The following RALYL variants were observed in gnomAD, a reference collection of about 807,000 sequenced individuals.
RALYL encodes the protein RNA-binding Raly-like protein.
In RALYL, 29 loss-of-function variants were observed where a neutral mutation model predicts 35.1. The ratio of observed to expected loss-of-function variants is 0.83; its 90% confidence interval spans 0.61 to 1.13. The LOEUF is 1.13. RALYL is among the 50% of genes most tolerant of loss of function. The pLI is 0.00. For synonymous variants in RALYL, 120 were observed against 127.6 expected (o/e 0.94, Z 0.40); for missense variants, 359 against 360.4 (o/e 1.00, Z 0.03).
intron 2 of RALYL, among the ~76,000 whole-genome samples, chr8:84,767,155 A>T (rs1017952532): frequency 1.3e-5 from 2 of 152,212 alleles, no homozygotes; most frequent in African/African-American, 2.4e-5. Flanking sequence ...ATGTAGTTAC[A>T]TGGCTGGTTA....
intron 2 of RALYL, among the ~76,000 whole-genome samples, chr8:84,600,798 C>T (rs1447190467): frequency 6.6e-6 from 1 of 152,098 alleles, no homozygotes; most frequent in Non-Finnish European, 1.5e-5. Flanking sequence ...CCAAGGCAAA[C>T]TGACAGTGTG....
chr8:84,396,725 G>A (rs1861823964), intron 1 of RALYL, among the ~76,000 whole-genome samples: 1 of 151,776 alleles, frequency 6.6e-6, no homozygotes, highest in African/African-American at 2.4e-5. Context: ...TTTATAAATT[G>A]TTAAAGTTTT....
chr8:84,549,334 C>A (rs1482194673), intron 2 of RALYL, among the ~76,000 whole-genome samples: 1 of 152,098 alleles, frequency 6.6e-6, no homozygotes, highest in African/African-American at 2.4e-5. Context: ...ACAATGCCAC[C>A]CCCTTCCAAT....
rs562519393 is a variant in RALYL, at chr8:84,873,407, C to G, written c.685+10C>G. 6.7e-6 allele frequency: 10 copies of G among 1,501,536 alleles called. No individual in the cohort carries two copies. In the East Asian group the frequency reaches 1.6e-4, roughly 24 times the overall value. The allele number at this position is 1,501,536 out of a possible 1,614,324, so 93.0% of individuals were successfully genotyped here. ...CAGAAGGCGGAGGCAGGTAAGTGATCTCTGATCACAGACAGGTCAGAATTG... is the reference window on the plus strand; with the variant it reads ...CAGAAGGCGGAGGCAGGTAAGTGATGTCTGATCACAGACAGGTCAGAATTG... On this transcript the variant is annotated intron_variant, in intron 7 of 8. Coordinates refer to ENST00000521268, the MANE Select transcript of RALYL (RefSeq NM_173848.7).
intron 1 of RALYL, among the ~76,000 whole-genome samples, chr8:84,381,310 A>G (rs1857948174): frequency 6.6e-6 from 1 of 151,800 alleles, no homozygotes; most frequent in Non-Finnish European, 1.5e-5. Flanking sequence ...ATGTGTGTAT[A>G]TCTGTATGAA....
chr8:84,881,328 G>T (rs1009020917), intron 7 of RALYL, among the ~76,000 whole-genome samples: 1 of 151,910 alleles, frequency 6.6e-6, no homozygotes, highest in Non-Finnish European at 1.5e-5. Flanking sequence ...GTTTATGCTT[G>T]TATGCAAAAA....
At chr8:84,306,878 A>G (rs901340711) in intron 1 of RALYL, among the ~76,000 whole-genome samples, 1 of 152,202 alleles carries the variant, frequency 6.6e-6, no homozygotes, top group African/African-American at 2.4e-5. Flanking sequence ...AGAAAATGGC[A>G]CAAGCATTCT....
At chr8:84,472,939 C>A (rs2052957984) in intron 1 of RALYL, among the ~76,000 whole-genome samples, 1 of 152,106 alleles carries the variant, frequency 6.6e-6, no homozygotes, top group African/African-American at 2.4e-5. Flanking sequence ...CAAAACTCTT[C>A]TTTTAGAAGT....
At chr8:84,785,117 G>C (rs1563598590) in intron 3 of RALYL, among the ~76,000 whole-genome samples, 1 of 152,082 alleles carries the variant, frequency 6.6e-6, no homozygotes, top group Non-Finnish European at 1.5e-5. Context: ...AGAGTTTGGG[G>C]GTGCTTTTTG....
At chr8:84,731,253 AT>A (rs1209768344) in intron 2 of RALYL, among the ~76,000 whole-genome samples, 2 of 152,138 alleles carry the variant, frequency 1.3e-5, no homozygotes, top group Non-Finnish European at 2.9e-5. Context: ...TACCCACAGA[AT>A]TGAATTCAGC....
intron 2 of RALYL, among the ~76,000 whole-genome samples, chr8:84,603,264 A>T (rs1816368006): frequency 6.6e-6 from 1 of 152,018 alleles, no homozygotes; most frequent in African/African-American, 2.4e-5. Flanking sequence ...CCAAAACATG[A>T]CACACTGACT....
At chr8:84,425,959 T>C (rs1210314074) in intron 1 of RALYL, among the ~76,000 whole-genome samples, 1 of 152,112 alleles carries the variant, frequency 6.6e-6, no homozygotes, top group Non-Finnish European at 1.5e-5. Context: ...GTATATATAT[T>C]ATCTAAAATA....
At chr8:84,428,601 C>A (rs1345002936) in intron 1 of RALYL, among the ~76,000 whole-genome samples, 2 of 152,156 alleles carry the variant, frequency 1.3e-5, no homozygotes, top group Non-Finnish European at 2.9e-5. Context: ...TCTCTTGCTT[C>A]TAGAAATTAA....
chr8:84,298,873 T>C (rs1038773751), intron 1 of RALYL, among the ~76,000 whole-genome samples: 1 of 152,066 alleles, frequency 6.6e-6, no homozygotes, highest in African/African-American at 2.4e-5. Context: ...ATGTTACTGG[T>C]GTATAGAAAT....
chr8:84,292,417 G>A (rs1334350374), intron 1 of RALYL, among the ~76,000 whole-genome samples: 1 of 152,082 alleles, frequency 6.6e-6, no homozygotes, highest in African/African-American at 2.4e-5. Context: ...AAAAGGGAGG[G>A]GAGAAATGCC....
At chr8:84,275,142 T>C (rs989131637) in intron 1 of RALYL, among the ~76,000 whole-genome samples, 2 of 152,172 alleles carry the variant, frequency 1.3e-5, no homozygotes, top group Admixed American at 1.3e-4. Context: ...GACTTTTTGA[T>C]AGAGAATTCT....
chr8:84,434,956 A>C (rs1225310678), intron 1 of RALYL, among the ~76,000 whole-genome samples: 1 of 152,184 alleles, frequency 6.6e-6, no homozygotes, highest in Non-Finnish European at 1.5e-5. Flanking sequence ...CAAAGTAATG[A>C]ATGCAAAGGA....
At chr8:84,280,856 G>C (rs1306415853) in intron 1 of RALYL, among the ~76,000 whole-genome samples, 2 of 151,848 alleles carry the variant, frequency 1.3e-5, no homozygotes, top group Non-Finnish European at 2.9e-5. Flanking sequence ...ATACATTTTT[G>C]GGTAGGAGAT....
chr8:84,327,970 G>T (rs1005723974), intron 1 of RALYL, among the ~76,000 whole-genome samples: 2 of 152,114 alleles, frequency 1.3e-5, no homozygotes. Flanking sequence ...TTGCCAAAAA[G>T]GTATTAAAGA....
Sources: gnomAD v4.1 joint callset for allele counts (sites outside exome capture counted in the v4.1 genomes callset) on GRCh38, gnomAD v4.1.1 for gene constraint, MANE v1.5 for transcripts, NCBI Gene and HGNC (gene_info 2026-07-23, HGNC 2026-07-21) for gene names.